The following ZBTB17 variants were observed in gnomAD, a reference collection of about 807,000 sequenced individuals.
The protein encoded by ZBTB17 is zinc finger and BTB domain containing 17.
Under a neutral mutation model 85.1 loss-of-function variants are expected in ZBTB17, and 24 were observed. The observed-to-expected ratio is 0.28, with a 90% CI of 0.20 to 0.40. The LOEUF (loss-of-function observed/expected upper bound fraction) is 0.40, where lower values mean the gene tolerates loss of function less well. Ranked by LOEUF, ZBTB17 falls within the 10% of genes least tolerant of loss-of-function variation. The pLI is 1.00. For missense variants in ZBTB17, 743 were observed against 1,105.1 expected (o/e 0.67, Z 4.65); for synonymous variants, 464 against 460.2 (o/e 1.01, Z -0.11).
chr1:15,958,798 T>C (rs1187097382), intron 2 of ZBTB17, among the ~76,000 whole-genome samples: 1 of 152,018 alleles, frequency 6.6e-6, no homozygotes, highest in Non-Finnish European at 1.5e-5. Context: ...GCATAAGCAA[T>C]GATGGCTGAG....
rs1253193970 is a variant in ZBTB17 at position 15,944,233 on chromosome 1, C to T, written c.1371+67G>A. On this transcript the variant is annotated intron_variant, in intron 9 of 15. Coordinates refer to ENST00000375743, the MANE Select transcript of ZBTB17 (RefSeq NM_003443.3). ...GCTGTGCTCCCCGCCCGCCCCACCACGTGGCATGCATGCGGCTGCGGCCAC... is the reference window on the plus strand; with the variant it reads ...GCTGTGCTCCCCGCCCGCCCCACCATGTGGCATGCATGCGGCTGCGGCCAC... 5 of 1,538,330 alleles carry T rather than the reference C, an allele frequency of 3.3e-6. No individual in the cohort carries two copies. In the African/African-American group the frequency reaches 4.1e-5, roughly 13 times the overall value.
intron 2 of ZBTB17, among the ~76,000 whole-genome samples, chr1:15,950,487 G>A (rs964846383): frequency 6.6e-6 from 1 of 152,180 alleles, no homozygotes; most frequent in East Asian, 1.9e-4. Flanking sequence ...GCAAGCCCTG[G>A]GCCTCAATTG....
At chr1:15,942,274 C>CAA (rs747515077) in intron 15 of ZBTB17, 22 bp from the exon 16 acceptor site, 1 of 1,613,192 alleles carries the variant, frequency 6.2e-7, no homozygotes, top group African/African-American at 1.3e-5. Context: ...GGGCAGCAGT[C>CAA]AGAGTGGGAA....
chr1:15,975,012 T>C (rs1365143250), intron 1 of ZBTB17, among the ~76,000 whole-genome samples: 1 of 152,252 alleles, frequency 6.6e-6, no homozygotes, highest in Non-Finnish European at 1.5e-5. Context: ...CTTAGCTTTC[T>C]GGGGGACAGA....
Position 15,951,608 on chromosome 1 carries a change from G to A in ZBTB17, c.-2-3111C>T, listed in dbSNP as rs1431441099. ...CTCTCTCAAGGCCCGTGGCGAGACG[G>A]AGGCATGGCCGGCTGGGTCCTTCCC... On this transcript the variant is annotated intron_variant, in intron 2 of 15. Coordinates refer to ENST00000375743, the MANE Select transcript of ZBTB17 (RefSeq NM_003443.3). This position sits in a 1 kb window ranked among gnomAD's most constrained non-coding sequence, Gnocchi z 4.1. Among the ~76,000 whole-genome samples the A allele has an allele frequency of 6.6e-6, 1 of 152,192 alleles. No individual in the cohort carries two copies. The highest frequency in any genetic ancestry group is 1.5e-5 in the Non-Finnish European group (1 of 68,030).
Position 15,976,036 on chromosome 1 carries a change from G to C in ZBTB17, c.-143C>G. On this transcript the variant is annotated 5_prime_UTR_variant, in exon 1 of 16. Coordinates refer to ENST00000375743, the MANE Select transcript of ZBTB17 (RefSeq NM_003443.3). ...GGAGGTGCATCACGGCCGCGAGAAG[G>C]CCGGGGACGGCACTCCAGAGCAGAC... is the stretch of plus-strand genomic sequence containing the variant. 1.4e-6 allele frequency: 1 copy of C among 696,062 alleles called. No individual in the cohort carries two copies. The highest frequency in any genetic ancestry group is 1.5e-5 in the South Asian group (1 of 66,682). 43.1% of individuals were successfully genotyped at this position (696,062 alleles called of 1,614,324 possible).
In ZBTB17 at chr1:15,953,313, A is replaced by G. The variant is rs1230966779; in HGVS notation, c.-2-4816T>C. 6.6e-6 allele frequency among the ~76,000 whole-genome samples: 1 copy of G among 151,976 alleles called. No individual in the cohort carries two copies. Among genetic ancestry groups the G allele is most frequent in the African/African-American group, 2.4e-5 (1 of 41,342 alleles). ...CAGGCGTGTGCTACTGCACCCAGCC[A>G]TTTTTCAAAAATTTTAATAAGAAAA... On this transcript the variant is annotated intron_variant, in intron 2 of 15. Transcript: ENST00000375743. The surrounding 1 kb of genome is among the most constrained non-coding windows in gnomAD (Gnocchi z 5.1).
rs376769205 is a variant in ZBTB17, at chr1:15,941,974, C to T, written c.2407G>A (p.Glu803Lys). ...PTAPECPPPA[E>K] ...CAGTCAGAAGGGCCGCCAGCTCACT[C>T]GGCAGGCGGGGGACATTCAGGAGCT... Residue 803 changes from glutamate to lysine, a missense_variant, in exon 16 of 16, where the codon GAG (glutamate) becomes AAG (lysine). Physicochemically the swap from Glu to Lys is moderately conservative, Grantham distance 56 (BLOSUM62 1). Around this residue, in one of 4 missense-constraint regions of ZBTB17, gnomAD observed 69 missense variants for 77.0 expected, o/e 0.90. Coordinates refer to ENST00000375743, the MANE Select transcript of ZBTB17 (RefSeq NM_003443.3). The T allele has an allele frequency of 1.1e-5, 18 of 1,592,824 alleles. No individual in the cohort carries two copies. Among genetic ancestry groups the T allele is most frequent in the South Asian group, 4.4e-5 (4 of 90,664 alleles).
In ZBTB17 at chr1:15,942,106, G is replaced by T; in HGVS notation, c.2275C>A (p.Pro759Thr). The T allele has an allele frequency of 6.2e-7, 1 of 1,613,350 alleles. No homozygotes were observed. Among genetic ancestry groups the T allele is most frequent in the Non-Finnish European group, 8.5e-7 (1 of 1,180,030 alleles). Residue 759 changes from proline (P) to threonine (T), a missense_variant, in exon 16 of 16, where the codon CCA (proline) becomes ACA (threonine). This residue lies in a region of ZBTB17 where 69 missense variants were observed against 77.0 expected (regional missense o/e 0.90). Coordinates refer to ENST00000375743, the MANE Select transcript of ZBTB17 (RefSeq NM_003443.3). Reference protein sequence around the residue: ...TDADFYQQYGPGGTWPAGQVL... With the variant: ...TDADFYQQYGTGGTWPAGQVL... ...TGCCCGGCAGGCCACGTGCCACCTG[G>T]CCCATACTGCTGATAGAAGTCCGCG...
Position 15,971,361 on chromosome 1 carries a change from AAT to A in ZBTB17, c.-3+1676_-3+1677del, listed in dbSNP as rs1491136901. On this transcript the variant is annotated intron_variant, in intron 2 of 15. Transcript: ENST00000375743. ...TATATATATATGTACATACACACACAATATATATATATACACACACTATATAT... is the reference window on the plus strand; with the variant it reads ...TATATATATATGTACATACACACACAATATATATATACACACACTATATAT... Among the ~76,000 whole-genome samples the A allele has an allele frequency of 2.1e-4, 27 of 131,526 alleles. No homozygotes were observed. The East Asian group carries it at 3.6e-3, about 18-fold the overall frequency. 86.3% of individuals were successfully genotyped at this position (131,526 alleles called of 152,430 possible).
intron 2 of ZBTB17, among the ~76,000 whole-genome samples, chr1:15,961,922 A>G (rs1419107412): frequency 2.0e-5 from 3 of 152,162 alleles, no homozygotes; most frequent in Non-Finnish European, 4.4e-5. Context: ...TTTATCAGTA[A>G]ACCGGGAGAG....
intron 2 of ZBTB17, among the ~76,000 whole-genome samples, chr1:15,954,084 T>C (rs1428375047): frequency 6.6e-6 from 1 of 151,922 alleles, no homozygotes; most frequent in Non-Finnish European, 1.5e-5. Flanking sequence ...AGGGAGGAAG[T>C]GATGGGAGGG....
At chr1:15,958,732 G>C (rs1037718256) in intron 2 of ZBTB17, among the ~76,000 whole-genome samples, 1 of 152,174 alleles carries the variant, frequency 6.6e-6, no homozygotes, top group African/African-American at 2.4e-5. Context: ...AGCCTGGGAC[G>C]ACGTGACCAC....
intron 2 of ZBTB17, among the ~76,000 whole-genome samples, chr1:15,949,793 A>C (rs961701005): frequency 6.6e-6 from 1 of 152,218 alleles, no homozygotes; most frequent in Non-Finnish European, 1.5e-5. Flanking sequence ...TCACACCAGC[A>C]CAGGTCGGCC....
At chr1:15,944,081 T>C (rs2071478844) in intron 9 of ZBTB17, 186 bp from the exon 10 acceptor site, 3 of 987,416 alleles carry the variant, frequency 3.0e-6, no homozygotes, top group South Asian at 1.4e-5. Context: ...CACCCCATTT[T>C]TTCAGGACCA....
chr1:15,948,217 A>AGGGCCTAGCATGGCACAGGGCC (rs1290803316), intron 3 of ZBTB17, 74 bp downstream of exon 3: 1 of 1,573,986 alleles, frequency 6.4e-7, no homozygotes, highest in Admixed American at 1.7e-5. Flanking sequence ...CTGCCCCTGG[A>AGGGCCTAGCATGGCACAGGGCC]GGGCCTAGCA....
intron 2 of ZBTB17, among the ~76,000 whole-genome samples, chr1:15,960,509 G>A (rs997114035): frequency 6.6e-6 from 1 of 152,132 alleles, no homozygotes; most frequent in African/African-American, 2.4e-5. Context: ...AGTAATCAGG[G>A]CACCCATCAA....
intron 2 of ZBTB17, among the ~76,000 whole-genome samples, chr1:15,955,208 C>T (rs1309646769): frequency 6.6e-6 from 1 of 152,146 alleles, no homozygotes; most frequent in East Asian, 1.9e-4. Flanking sequence ...TGGAAGTTCA[C>T]ACCAGGCCAG....
chr1:15,943,232 C>T lies in ZBTB17; in HGVS notation c.1698-38G>A, dbSNP rs754190804. ...AGGAAGGGACTCGCATGGAACTGCC[C>T]CAACCTGGGCCTCCTGCCTCACCCT... On this transcript the variant is annotated intron_variant, in intron 12 of 15. Transcript: ENST00000375743. 1.2e-5 allele frequency: 20 copies of T among 1,613,708 alleles called. No homozygotes were observed. The South Asian group carries it at 2.0e-4, about 16-fold the overall frequency.
Sources: allele counts gnomAD v4.1 joint callset (sites outside exome capture counted in the v4.1 genomes callset), GRCh38; gene constraint gnomAD v4.1.1; regional missense constraint gnomAD v4.1.1; non-coding constraint Gnocchi (gnomAD v3.1); transcripts MANE v1.5; gene names NCBI Gene and HGNC (gene_info 2026-07-23, HGNC 2026-07-21).